The following ADD2 variants were observed in gnomAD, a reference collection of about 807,000 sequenced individuals.
ADD2 encodes adducin 2.
A neutral mutation model predicts 83.0 loss-of-function variants in ADD2; 23 were observed. The observed-to-expected ratio is 0.28, with a 90% CI of 0.20 to 0.39. The LOEUF (loss-of-function observed/expected upper bound fraction) is 0.39. Ranked by LOEUF, ADD2 falls within the 10% of genes least tolerant of loss-of-function variation. ADD2 has a pLI of 1.00. For synonymous variants in ADD2, 375 were observed against 375.4 expected, an observed-to-expected ratio of 1.00 and a Z score of 0.01; for missense variants, 758 against 944.9, an observed-to-expected ratio of 0.80 and a Z score of 2.59.
intron 1 of ADD2, among the ~76,000 whole-genome samples, chr2:70,753,754 A>G (rs17006285): frequency 0.14 from 20,938 of 152,122 alleles, 1,610 homozygotes; most frequent in East Asian, 0.3. Flanking sequence ...AATGCCTTAG[A>G]ACTGCCAGGT....
intron 14 of ADD2, chr2:70,673,419 A>AT: frequency 9.6e-7 from 1 of 1,045,316 alleles, no homozygotes; most frequent in South Asian, 1.4e-5. Flanking sequence ...CCCTTATTTT[A>AT]TTTTTTGCTG....
intron 1 of ADD2, among the ~76,000 whole-genome samples, chr2:70,726,366 C>G (rs1380844469): frequency 1.3e-5 from 2 of 152,116 alleles, no homozygotes; most frequent in East Asian, 3.9e-4. Flanking sequence ...GGAAGGAAGC[C>G]ATTGACCTTT....
chr2:70,766,346 GAA>G (rs782113722), intron 1 of ADD2, among the ~76,000 whole-genome samples: 9 of 152,160 alleles, frequency 5.9e-5, no homozygotes, highest in Non-Finnish European at 1.3e-4. Context: ...ATCTATAGGA[GAA>G]AAGTCTCTAC....
chr2:70,677,037 G>T (rs1250493945), intron 12 of ADD2, 152 bp from the exon 13 acceptor site: 5 of 1,313,814 alleles, frequency 3.8e-6, no homozygotes, highest in Middle Eastern at 2.0e-4. Context: ...GTACTTTAAG[G>T]GGGGGCCTCC....
intron 8 of ADD2, among the ~76,000 whole-genome samples, chr2:70,688,660 C>T (rs782545229): frequency 7.9e-5 from 12 of 152,160 alleles, no homozygotes; most frequent in South Asian, 2.1e-4. Flanking sequence ...AGGTGAGTCA[C>T]GTCACCTCTT....
chr2:70,723,493 T>C (rs996340918), intron 1 of ADD2, among the ~76,000 whole-genome samples: 2 of 152,154 alleles, frequency 1.3e-5, no homozygotes, highest in African/African-American at 4.8e-5. Flanking sequence ...TCAACGAATC[T>C]GAAACTGAGC....
At chr2:70,737,126 G>A (rs1553380297) in intron 1 of ADD2, among the ~76,000 whole-genome samples, 1 of 152,106 alleles carries the variant, frequency 6.6e-6, no homozygotes, top group East Asian at 1.9e-4. Flanking sequence ...CACTGTTGGT[G>A]GGACTGTAAA....
intron 12 of ADD2, among the ~76,000 whole-genome samples, chr2:70,677,255 G>A (rs1435490634): frequency 6.6e-6 from 1 of 152,084 alleles, no homozygotes; most frequent in African/African-American, 2.4e-5. Context: ...GAGGGAGGGT[G>A]GTAGAGGAGG....
chr2:70,663,459 T>C lies in ADD2; in HGVS notation c.2147A>G (p.Lys716Arg). ...CACTTTCTCCTTCTTTTTGCTCTTT[T>C]TCAGGAAGGAGGGGGTTCGGAATTT... ...KKKFRTPSFL[K>R]KSKKKEKVES The change falls in exon 16 of 16, where the codon AAA (lysine) becomes AGA (arginine). Residue 716 changes from lysine (K) to arginine (R), a missense_variant. Lys to Arg is a conservative substitution (Grantham distance 26). Coordinates refer to ENST00000264436, the MANE Select transcript of ADD2 (RefSeq NM_001617.4). 6.2e-7 allele frequency: 1 copy of C among 1,613,706 alleles called. No individual in the cohort carries two copies. Among genetic ancestry groups the C allele is most frequent in the Non-Finnish European group, 8.5e-7 (1 of 1,179,892 alleles).
At chr2:70,696,595 G>T (rs1184883586) in intron 4 of ADD2, among the ~76,000 whole-genome samples, 199 bp from the exon 5 acceptor site, 1 of 152,208 alleles carries the variant, frequency 6.6e-6, no homozygotes, top group East Asian at 1.9e-4. Context: ...TGCTCATTCA[G>T]ATAAACTTTT....
intron 4 of ADD2, among the ~76,000 whole-genome samples, chr2:70,703,877 T>A (rs574357866): frequency 5.3e-5 from 8 of 152,244 alleles, no homozygotes; most frequent in Non-Finnish European, 1.0e-4. Flanking sequence ...TCAGCCATAA[T>A]CCTGTAATAA....
At chr2:70,684,798 C>T (rs1397011132) in intron 9 of ADD2, among the ~76,000 whole-genome samples, 1 of 152,110 alleles carries the variant, frequency 6.6e-6, no homozygotes, top group Non-Finnish European at 1.5e-5. Context: ...TGTCAAGGCT[C>T]CATGGGGAGG....
chr2:70,673,190 A>C, intron 14 of ADD2, 184 bp from the exon 15 acceptor site: 1 of 1,585,674 alleles, frequency 6.3e-7, no homozygotes, highest in African/African-American at 1.3e-5. Flanking sequence ...TTCCCTGGGA[A>C]GGCCAATGGG....
chr2:70,681,390 G>A (rs1030107126), intron 10 of ADD2, among the ~76,000 whole-genome samples: 9 of 152,132 alleles, frequency 5.9e-5, no homozygotes, highest in African/African-American at 1.9e-4. Flanking sequence ...GCTCACACCT[G>A]TAATTTCAGC....
chr2:70,734,662 T>C (rs1464116706), intron 1 of ADD2, among the ~76,000 whole-genome samples: 2 of 152,186 alleles, frequency 1.3e-5, no homozygotes, highest in African/African-American at 4.8e-5. Context: ...TCTTTGGGGA[T>C]ATGCTCTGTG....
chr2:70,696,240 C>T lies in ADD2; in HGVS notation c.474+5G>A. 6.2e-7 allele frequency: 1 copy of T among 1,610,574 alleles called. No individual in the cohort carries two copies. The highest frequency in any genetic ancestry group is 8.5e-7 in the Non-Finnish European group (1 of 1,178,662). On this transcript the variant is annotated splice_donor_5th_base_variant and intron_variant, in intron 5 of 15. Coordinates refer to ENST00000264436, the MANE Select transcript of ADD2 (RefSeq NM_001617.4). ...CCCCACCCAATTCCAGGGCGTTCTG[C>T]TCACCGTGACATAGGTGTCACTCAG...
chr2:70,749,687 C>T (rs1236432132), intron 1 of ADD2, among the ~76,000 whole-genome samples: 3 of 152,316 alleles, frequency 2.0e-5, no homozygotes, highest in African/African-American at 4.8e-5. Context: ...CTATCCTTTT[C>T]CCTCACCTCT....
rs373900842 is a variant in ADD2, at chr2:70,678,793, G to A, written c.1294C>T (p.Arg432Cys). The A allele has an allele frequency of 7.4e-6, 12 of 1,613,904 alleles. No homozygotes were observed. The highest frequency in any genetic ancestry group is 2.7e-5 in the African/African-American group (2 of 74,912). ...TAGGTGTTGGGCGTATTGAGCCAGC[G>A]GGTCTTCTCCTTCTGCTGCTTCTGG... is the stretch of plus-strand genomic sequence containing the variant. ...HAQKQQKEKT[R>C]WLNTPNTYLR... The change falls in exon 11 of 16, where the codon CGC (arginine) becomes TGC (cysteine). Residue 432 changes from arginine to cysteine, a missense_variant. By Grantham distance (180) the Arg-to-Cys change is radical. This residue lies in a region of ADD2 where 394 missense variants were observed against 509.3 expected (regional missense o/e 0.77). Coordinates refer to ENST00000264436, the MANE Select transcript of ADD2 (RefSeq NM_001617.4).
chr2:70,701,924 C>T (rs1671603870), intron 4 of ADD2, among the ~76,000 whole-genome samples: 1 of 152,072 alleles, frequency 6.6e-6, no homozygotes, highest in African/African-American at 2.4e-5. Context: ...AAAAGATTTA[C>T]AATTCACTCA....
Sources: allele counts gnomAD v4.1 joint callset (sites outside exome capture counted in the v4.1 genomes callset), GRCh38; gene constraint gnomAD v4.1.1; regional missense constraint gnomAD v4.1.1; transcripts MANE v1.5; gene names NCBI Gene and HGNC (gene_info 2026-07-23, HGNC 2026-07-21).